Variants in PCBP3 observed in about 807,000 individuals in gnomAD.
PCBP3 encodes the protein poly(rC) binding protein 3.
In PCBP3, 25 loss-of-function variants were observed where a neutral mutation model predicts 52.7. That is an observed-to-expected ratio of 0.47 (90% CI 0.35 to 0.66). PCBP3 has a LOEUF of 0.66. Among genes scored for constraint, PCBP3 ranks in the 30% least tolerant of loss-of-function variants. The pLI is 0.01. For missense variants in PCBP3, 391 were observed against 490.3 expected, an observed-to-expected ratio of 0.80 and a Z score of 1.91; for synonymous variants, 162 against 183.0, an observed-to-expected ratio of 0.89 and a Z score of 0.93.
At chr21:45,815,864 G>T (rs1311500011) in intron 4 of PCBP3, among the ~76,000 whole-genome samples, 4 of 120,824 alleles carry the variant, frequency 3.3e-5, no homozygotes, top group Non-Finnish European at 6.7e-5. Flanking sequence ...GTGGTGAGTG[G>T]TGAGTCAGTG....
intron 2 of PCBP3, among the ~76,000 whole-genome samples, chr21:45,696,026 C>T (rs568216043): frequency 7.1e-6 from 1 of 141,466 alleles, no homozygotes; most frequent in African/African-American, 2.7e-5. Flanking sequence ...TTGCAGTGAG[C>T]CGAGATCGCG....
At chr21:45,671,545 G>A (rs555257429) in intron 2 of PCBP3, among the ~76,000 whole-genome samples, 2 of 152,298 alleles carry the variant, frequency 1.3e-5, no homozygotes, top group African/African-American at 4.8e-5. Context: ...TATTATGAAG[G>A]CATCTATCAA....
intron 1 of PCBP3, among the ~76,000 whole-genome samples, chr21:45,659,405 C>G (rs1297307797): frequency 7.1e-6 from 1 of 140,098 alleles, no homozygotes; most frequent in Non-Finnish European, 1.5e-5. Context: ...TGCATTGGTG[C>G]CATCACAACT....
chr21:45,919,880 G>GT (rs2074188214), intron 13 of PCBP3, among the ~76,000 whole-genome samples: 1 of 152,222 alleles, frequency 6.6e-6, no homozygotes, highest in African/African-American at 2.4e-5. Context: ...TGGCAGGGGT[G>GT]TGGGGGGCAG....
chr21:45,795,217 G>A (rs962065126), intron 4 of PCBP3, among the ~76,000 whole-genome samples: 4 of 151,852 alleles, frequency 2.6e-5, no homozygotes, highest in Non-Finnish European at 4.4e-5. Flanking sequence ...AAATCAAAGG[G>A]ACCAGAATGT....
intron 1 of PCBP3, among the ~76,000 whole-genome samples, chr21:45,652,464 G>A (rs1248184034): frequency 1.4e-5 from 2 of 141,424 alleles, no homozygotes; most frequent in African/African-American, 5.4e-5. Context: ...TTTTTGAGAC[G>A]GAGTCTTGCT....
At chr21:45,838,125 C>G (rs2093629249) in intron 4 of PCBP3, among the ~76,000 whole-genome samples, 1 of 152,188 alleles carries the variant, frequency 6.6e-6, no homozygotes, top group Admixed American at 6.5e-5. Context: ...CAGTGTTGTC[C>G]TGTGAATTTG....
chr21:45,646,844 A>G (rs2079343943), intron 1 of PCBP3, among the ~76,000 whole-genome samples: 1 of 152,180 alleles, frequency 6.6e-6, no homozygotes, highest in South Asian at 2.1e-4. Context: ...CATGTTTTGC[A>G]TTCTCCAGCA....
chr21:45,755,109 A>G (rs535747396), intron 3 of PCBP3, among the ~76,000 whole-genome samples: 26 of 152,296 alleles, frequency 1.7e-4, no homozygotes, highest in African/African-American at 6.0e-4. Flanking sequence ...CACCAGCTCA[A>G]AGTTCCCTCA....
At chr21:45,798,997 G>A (rs1386645679) in intron 4 of PCBP3, among the ~76,000 whole-genome samples, 1 of 151,258 alleles carries the variant, frequency 6.6e-6, no homozygotes, top group Non-Finnish European at 1.5e-5. Context: ...TGAATGCATG[G>A]ATCCATAGAG....
chr21:45,832,036 G>C (rs1193890637), intron 4 of PCBP3, among the ~76,000 whole-genome samples: 1 of 152,160 alleles, frequency 6.6e-6, no homozygotes, highest in Non-Finnish European at 1.5e-5. Context: ...AGAAGGTAAA[G>C]GGATAAAGAA....
At chr21:45,892,476 G>GC (rs1569454376) in intron 5 of PCBP3, among the ~76,000 whole-genome samples, 3 of 86,494 alleles carry the variant, frequency 3.5e-5, no homozygotes, top group African/African-American at 8.1e-5. Context: ...GGCGTGGGGG[G>GC]GGGGGCGGTC....
intron 2 of PCBP3, among the ~76,000 whole-genome samples, chr21:45,689,856 G>A (rs991401352): frequency 5.3e-5 from 8 of 152,190 alleles, no homozygotes; most frequent in Admixed American, 2.0e-4. Context: ...ACAGTGCTAG[G>A]AGAAATGAAA....
At chr21:45,822,068 C>G (rs2093156560) in intron 4 of PCBP3, among the ~76,000 whole-genome samples, 1 of 152,214 alleles carries the variant, frequency 6.6e-6, no homozygotes, top group African/African-American at 2.4e-5. Flanking sequence ...CCTGCTCACC[C>G]TGGGAAGTGG....
chr21:45,814,734 AGTGAGTG>A (rs2092805477), intron 4 of PCBP3, among the ~76,000 whole-genome samples: 1 of 68,132 alleles, frequency 1.5e-5, no homozygotes, highest in Non-Finnish European at 2.8e-5. Context: ...GTGAGTGGTG[AGTGAGTG>A]GTGAGTGATG....
At chr21:45,855,706 C>T (rs1249097117) in intron 5 of PCBP3, among the ~76,000 whole-genome samples, 1 of 152,238 alleles carries the variant, frequency 6.6e-6, no homozygotes, top group Non-Finnish European at 1.5e-5. Context: ...ACGTGTCTGT[C>T]TGCCTTCTGC....
At chr21:45,647,756 G>A (rs925877530) in intron 1 of PCBP3, among the ~76,000 whole-genome samples, 8 of 152,184 alleles carry the variant, frequency 5.3e-5, no homozygotes, top group Admixed American at 3.3e-4. Flanking sequence ...GAAAGTGGAG[G>A]AGGAGTTGCA....
intron 4 of PCBP3, among the ~76,000 whole-genome samples, chr21:45,831,846 G>C (rs946913785): frequency 2.6e-5 from 4 of 152,160 alleles, no homozygotes. Flanking sequence ...GAGTAGCTGG[G>C]ATTACAGGCA....
chr21:45,795,313 TTC>T (rs1386583590), intron 4 of PCBP3, among the ~76,000 whole-genome samples: 2 of 119,532 alleles, frequency 1.7e-5, no homozygotes, highest in Non-Finnish European at 3.7e-5. Context: ...CTTCTTCTTT[TTC>T]TTTTTTTTTT....
Sources: gnomAD v4.1 joint callset for allele counts (sites outside exome capture counted in the v4.1 genomes callset) on GRCh38, gnomAD v4.1.1 for gene constraint, MANE v1.5 for transcripts, NCBI Gene and HGNC (gene_info 2026-07-23, HGNC 2026-07-21) for gene names.